The following TOX2 variants were observed in gnomAD, a reference collection of about 807,000 sequenced individuals.
The protein encoded by TOX2 is TOX high mobility group box family member 2, also known as granulosa cell HMG box 1.
A neutral mutation model predicts 47.4 loss-of-function variants in TOX2; 15 were observed. The ratio of observed to expected loss-of-function variants is 0.32; its 90% CI spans 0.21 to 0.49. TOX2 has a LOEUF of 0.49. TOX2 is among the 20% of genes least tolerant of loss of function. The probability of loss-of-function intolerance (pLI) is 0.99; values close to 1 mark genes in which losing one functional copy is unlikely to be tolerated. For synonymous variants in TOX2, 290 were observed against 296.6 expected (o/e 0.98, Z 0.23); for missense variants, 622 against 673.1 (o/e 0.92, Z 0.84).
chr20:44,045,489 G>T (rs1318974672), intron 3 of TOX2, among the ~76,000 whole-genome samples: 1 of 152,172 alleles, frequency 6.6e-6, no homozygotes, highest in African/African-American at 2.4e-5. Context: ...CACACTGTGT[G>T]TATGTCTTCT....
intron 1 of TOX2, among the ~76,000 whole-genome samples, chr20:43,918,927 C>G (rs1244287984): frequency 6.6e-6 from 1 of 152,168 alleles, no homozygotes; most frequent in African/African-American, 2.4e-5. Context: ...CAGGTTAGGA[C>G]AGTTATTGGC....
intron 2 of TOX2, among the ~76,000 whole-genome samples, chr20:43,999,868 A>G (rs1475234417): frequency 7.2e-5 from 11 of 152,256 alleles, no homozygotes; most frequent in Admixed American, 6.5e-4. Flanking sequence ...GGATAGACAT[A>G]TAGACCAATG....
At chr20:44,058,871 C>A (rs1261410856) in intron 5 of TOX2, among the ~76,000 whole-genome samples, 1 of 152,228 alleles carries the variant, frequency 6.6e-6, no homozygotes, top group Non-Finnish European at 1.5e-5. Flanking sequence ...ACAGGAGAAT[C>A]TGAATAGCAG....
At chr20:43,948,648 C>T (rs1003367260) in intron 1 of TOX2, among the ~76,000 whole-genome samples, 1 of 152,144 alleles carries the variant, frequency 6.6e-6, no homozygotes, top group Non-Finnish European at 1.5e-5. Flanking sequence ...GCCTCTGTGT[C>T]GCCCACTGGG....
At chr20:44,050,749 G>C (rs950314521) in intron 3 of TOX2, among the ~76,000 whole-genome samples, 8 of 134,234 alleles carry the variant, frequency 6.0e-5, no homozygotes, top group Non-Finnish European at 9.6e-5. Context: ...AGGGCTTACT[G>C]TATGCCAGGT....
At chr20:43,984,039 T>A (rs1347092434) in intron 2 of TOX2, among the ~76,000 whole-genome samples, 1 of 152,222 alleles carries the variant, frequency 6.6e-6, no homozygotes. Flanking sequence ...TTGCTTTAAT[T>A]AAAACCTGGG....
chr20:43,987,830 T>C (rs535041787), intron 2 of TOX2, among the ~76,000 whole-genome samples: 1 of 152,000 alleles, frequency 6.6e-6, no homozygotes, highest in South Asian at 2.1e-4. Flanking sequence ...CTTCCCCAGA[T>C]CTGCTCAGCT....
intron 1 of TOX2, among the ~76,000 whole-genome samples, chr20:43,940,038 G>T (rs907112974): frequency 7.2e-5 from 11 of 152,144 alleles, no homozygotes; most frequent in Non-Finnish European, 1.2e-4. Context: ...GCAGTCCAGG[G>T]GTGTATGGGG....
chr20:43,997,499 T>G (rs1176276234), intron 2 of TOX2, among the ~76,000 whole-genome samples: 3 of 152,228 alleles, frequency 2.0e-5, no homozygotes, highest in Non-Finnish European at 4.4e-5. Flanking sequence ...AAAGGAATTC[T>G]CAATGGCTTT....
intron 3 of TOX2, among the ~76,000 whole-genome samples, chr20:44,014,427 A>G (rs2070839558): frequency 6.6e-6 from 1 of 152,110 alleles, no homozygotes; most frequent in African/African-American, 2.4e-5. Context: ...TGTGTAGCTA[A>G]CTTTGTAACC....
chr20:44,019,711 G>C (rs2070946722), intron 3 of TOX2, among the ~76,000 whole-genome samples: 1 of 152,160 alleles, frequency 6.6e-6, no homozygotes. Flanking sequence ...AACTAAGCAT[G>C]GTTAGTTCTT....
chr20:43,993,418 C>T, intron 2 of TOX2, among the ~76,000 whole-genome samples: 1 of 151,980 alleles, frequency 6.6e-6, no homozygotes, highest in East Asian at 1.9e-4. Flanking sequence ...ATTTGAGATA[C>T]ATGGGGAGGT....
intron 2 of TOX2, among the ~76,000 whole-genome samples, chr20:44,005,868 AG>A (rs1162508301): frequency 6.6e-6 from 1 of 152,070 alleles, no homozygotes; most frequent in Non-Finnish European, 1.5e-5. Context: ...ATAAGGAAAA[AG>A]GCCCGGATGT....
chr20:43,921,431 C>T (rs1437264249), intron 1 of TOX2, among the ~76,000 whole-genome samples: 2 of 152,220 alleles, frequency 1.3e-5, no homozygotes, highest in South Asian at 2.1e-4. Flanking sequence ...GTTATTTAAC[C>T]TCCCTGGACT....
chr20:44,006,909 G>T, intron 3 of TOX2, 117 bp downstream of exon 3: 1 of 1,410,882 alleles, frequency 7.1e-7, no homozygotes, highest in Non-Finnish European at 9.3e-7. Flanking sequence ...CAGGGTCTGG[G>T]TTTACCTGGT....
chr20:44,010,009 T>C (rs1208848949), intron 3 of TOX2, among the ~76,000 whole-genome samples: 2 of 152,154 alleles, frequency 1.3e-5, no homozygotes, highest in African/African-American at 2.4e-5. Context: ...CACCTGAGGA[T>C]TGTGATGAAG....
At chr20:43,966,305 CT>C (rs943805105) in intron 1 of TOX2, among the ~76,000 whole-genome samples, 30 of 152,174 alleles carry the variant, frequency 2.0e-4, no homozygotes, top group African/African-American at 7.2e-4. Context: ...TAGATGGAAG[CT>C]TTTGGTTAGG....
At chr20:43,979,408 G>T (rs1466236235) in intron 2 of TOX2, among the ~76,000 whole-genome samples, 1 of 152,176 alleles carries the variant, frequency 6.6e-6, no homozygotes, top group African/African-American at 2.4e-5. Flanking sequence ...AGTAGGAGGA[G>T]AACTTGGAGT....
chr20:44,051,894 G>A (rs542813198), intron 4 of TOX2, among the ~76,000 whole-genome samples: 30 of 152,296 alleles, frequency 2.0e-4, no homozygotes, highest in African/African-American at 2.4e-4. Flanking sequence ...GTGTTCCCTC[G>A]GGGCTCCCAC....
Sources: gnomAD v4.1 joint callset for allele counts (sites outside exome capture counted in the v4.1 genomes callset) on GRCh38, gnomAD v4.1.1 for gene constraint, MANE v1.5 for transcripts, NCBI Gene and HGNC (gene_info 2026-07-23, HGNC 2026-07-21) for gene names.